Variants in ASPH observed in about 807,000 individuals in gnomAD.
ASPH encodes aspartate beta-hydroxylase.
In ASPH, 100 loss-of-function variants were observed where a neutral mutation model predicts 118.4. That is an observed-to-expected ratio of 0.84 (90% CI 0.72 to 1.00). The LOEUF is 1.00. Among genes scored for constraint, ASPH ranks in the 50% least tolerant of loss-of-function variants. ASPH has a pLI of 0.00. For synonymous variants in ASPH, 315 were observed against 325.6 expected, an observed-to-expected ratio of 0.97 and a Z score of 0.35; for missense variants, 920 against 919.5, an observed-to-expected ratio of 1.00 and a Z score of -0.01.
At chr8:61,624,308 C>T in intron 13 of ASPH, 1 of 985,294 alleles carries the variant, frequency 1.0e-6, no homozygotes, top group Non-Finnish European at 1.2e-6. Context: ...CAAAGGATGG[C>T]TGCAGGGGCT....
At chr8:61,649,514 A>G (rs1378880607) in intron 5 of ASPH, among the ~76,000 whole-genome samples, 1 of 152,188 alleles carries the variant, frequency 6.6e-6, no homozygotes, top group Non-Finnish European at 1.5e-5. Flanking sequence ...AAAGTTATCA[A>G]CATACAAAGA....
chr8:61,590,906 C>G (rs573151951), intron 14 of ASPH, among the ~76,000 whole-genome samples: 10 of 152,036 alleles, frequency 6.6e-5, no homozygotes, highest in African/African-American at 2.4e-4. Flanking sequence ...AAGTTTAAGG[C>G]ATCTTTAGGC....
chr8:61,588,850 G>A (rs1840260608), intron 14 of ASPH, among the ~76,000 whole-genome samples: 1 of 152,196 alleles, frequency 6.6e-6, no homozygotes, highest in African/African-American at 2.4e-5. Context: ...GTTCACAACA[G>A]CCCCAACGTA....
At chr8:61,672,839 T>C (rs951956773) in intron 3 of ASPH, among the ~76,000 whole-genome samples, 22 of 152,196 alleles carry the variant, frequency 1.4e-4, no homozygotes, top group Admixed American at 2.0e-4. Flanking sequence ...ATTCCAAATA[T>C]GCATTGTGAT....
At chr8:61,591,372 G>A (rs1234369997) in intron 14 of ASPH, among the ~76,000 whole-genome samples, 2 of 151,444 alleles carry the variant, frequency 1.3e-5, no homozygotes, top group Non-Finnish European at 2.9e-5. Context: ...GGTCAATAAT[G>A]GAGGGGCCCG....
At chr8:61,686,318 G>A (rs1267774558) in intron 1 of ASPH, among the ~76,000 whole-genome samples, 2 of 151,910 alleles carry the variant, frequency 1.3e-5, no homozygotes, top group Non-Finnish European at 2.9e-5. Context: ...AGCCATAGCA[G>A]GAGAAGATTG....
At chr8:61,682,416 G>C in intron 2 of ASPH, 2 of 1,608,932 alleles carry the variant, frequency 1.2e-6, no homozygotes, top group Non-Finnish European at 1.7e-6. Flanking sequence ...ACGTAGACTT[G>C]AAATGCAACT....
intron 24 of ASPH, among the ~76,000 whole-genome samples, chr8:61,508,465 T>C (rs538726451): frequency 1.2e-3 from 177 of 152,268 alleles, no homozygotes; most frequent in Non-Finnish European, 4.3e-4. Context: ...AATGATAAAA[T>C]GGTGGCAGTG....
At chr8:61,540,427 T>C (rs1393358612) in intron 21 of ASPH, among the ~76,000 whole-genome samples, 1 of 152,174 alleles carries the variant, frequency 6.6e-6, no homozygotes. Flanking sequence ...CTTGCTCCTG[T>C]TCATGCTGCC....
chr8:61,625,903 C>A, intron 13 of ASPH: 5 of 1,032,718 alleles, frequency 4.8e-6, no homozygotes, highest in Non-Finnish European at 5.8e-6. Context: ...TATATGAAAA[C>A]CCTGCCAACA....
chr8:61,640,787 G>C (rs1804744284), intron 10 of ASPH, among the ~76,000 whole-genome samples: 1 of 152,194 alleles, frequency 6.6e-6, no homozygotes, highest in Non-Finnish European at 1.5e-5. Flanking sequence ...CAATTACATG[G>C]TAAGGCCATA....
At chr8:61,662,216 T>A (rs1198817519) in intron 3 of ASPH, among the ~76,000 whole-genome samples, 1 of 152,212 alleles carries the variant, frequency 6.6e-6, no homozygotes. Context: ...ATGTGAAATG[T>A]TATCTTTTTC....
At chr8:61,566,255 G>A (rs181706000) in intron 17 of ASPH, among the ~76,000 whole-genome samples, 13 of 152,248 alleles carry the variant, frequency 8.5e-5, no homozygotes, top group Admixed American at 5.2e-4. Flanking sequence ...GACTTTGAGG[G>A]GTTCAAGACT....
chr8:61,515,125 G>T (rs56984248), intron 24 of ASPH, among the ~76,000 whole-genome samples: 1 of 151,866 alleles, frequency 6.6e-6, no homozygotes, highest in African/African-American at 2.4e-5. Flanking sequence ...GAACAAATAG[G>T]CTGTAAAAGC....
intron 14 of ASPH, chr8:61,606,583 A>G (rs1406062690): frequency 6.6e-6 from 1 of 152,216 alleles, no homozygotes; most frequent in Non-Finnish European, 1.5e-5. Context: ...TATACATATA[A>G]TCATAGATGT....
intron 14 of ASPH, among the ~76,000 whole-genome samples, chr8:61,599,861 T>C (rs1843468657): frequency 6.6e-6 from 1 of 152,162 alleles, no homozygotes; most frequent in Non-Finnish European, 1.5e-5. Context: ...ATTCTCAAAC[T>C]ATTCCAAAAA....
chr8:61,540,979 G>C (rs1461161205), intron 21 of ASPH, among the ~76,000 whole-genome samples: 5 of 151,994 alleles, frequency 3.3e-5, no homozygotes, highest in Non-Finnish European at 5.9e-5. Flanking sequence ...GAAATGAGAG[G>C]CCGGGCACGG....
chr8:61,640,008 T>C (rs1037253757), intron 10 of ASPH, among the ~76,000 whole-genome samples: 2 of 152,194 alleles, frequency 1.3e-5, no homozygotes, highest in African/African-American at 2.4e-5. Flanking sequence ...TCCTCCATCA[T>C]TGCCACCACC....
At chr8:61,551,383 G>A (rs905091990) in intron 20 of ASPH, among the ~76,000 whole-genome samples, 2 of 152,222 alleles carry the variant, frequency 1.3e-5, no homozygotes, top group African/African-American at 2.4e-5. Flanking sequence ...CTCAGAGCAC[G>A]ACAGCCAAGT....
Sources: gnomAD v4.1 joint callset for allele counts (sites outside exome capture counted in the v4.1 genomes callset) on GRCh38, gnomAD v4.1.1 for gene constraint, MANE v1.5 for transcripts, NCBI Gene and HGNC (gene_info 2026-07-23, HGNC 2026-07-21) for gene names.